Variants in PHF8 observed in about 807,000 individuals in gnomAD.
The protein encoded by PHF8 is histone lysine demethylase PHF8.
A neutral mutation model predicts 74.4 loss-of-function variants in PHF8; 9 were observed. That is an observed-to-expected ratio of 0.12 (90% CI 0.07 to 0.21). The LOEUF (loss-of-function observed/expected upper bound fraction) is 0.21, where lower values mean the gene tolerates loss of function less well. PHF8 is among the 10% of genes least tolerant of loss of function. The probability of loss-of-function intolerance (pLI) is 1.00; values close to 1 mark genes in which losing one functional copy is unlikely to be tolerated. For synonymous variants in PHF8, 311 were observed against 316.6 expected (o/e 0.98, Z 0.19); for missense variants, 478 against 816.6 (o/e 0.59, Z 5.05).
rs149908449 is a variant in PHF8, at chrX:53,984,638, T to C, written c.2443+276A>G. ...GGTAAAGGTTGGACATTAGTAAAAA[T>C]AGATGATAGCAAATTATAACTACCA... On this transcript the variant is annotated intron_variant, in intron 18 of 21. Coordinates refer to ENST00000338154, the MANE Select transcript of PHF8 (RefSeq NM_015107.3). 5.1e-3 allele frequency among the ~76,000 whole-genome samples: 576 copies of C among 111,886 alleles called. 2 individuals are homozygous for C. The highest frequency in any genetic ancestry group is 0.018 in the African/African-American group (541 of 30,833).
chrX:53,961,953 T>A (rs1557090993), intron 19 of PHF8, among the ~76,000 whole-genome samples: 1 of 112,310 alleles, frequency 8.9e-6, no homozygotes, highest in African/African-American at 3.2e-5. Context: ...ACGTAACTTG[T>A]TTTAGTCAAT....
At chrX:53,979,369 G>A (rs1435248585) in intron 18 of PHF8, among the ~76,000 whole-genome samples, 3 of 111,388 alleles carry the variant, frequency 2.7e-5, no homozygotes, top group African/African-American at 6.5e-5. Context: ...GTGACAGAGC[G>A]AGACTCTGTC....
At chrX:54,024,796 T>C (rs192523746) in intron 2 of PHF8, among the ~76,000 whole-genome samples, 4 of 112,562 alleles carry the variant, frequency 3.6e-5, no homozygotes, top group South Asian at 7.3e-4. Flanking sequence ...AGAATAATTT[T>C]ATATCCGTTC....
chrX:54,020,490 T>C (rs1297057529), intron 4 of PHF8, among the ~76,000 whole-genome samples: 1 of 111,804 alleles, frequency 8.9e-6, no homozygotes, highest in Non-Finnish European at 1.9e-5. Flanking sequence ...CTATTATGGA[T>C]TGATCTCAAA....
chrX:53,963,832 C>T (rs911901364), intron 18 of PHF8, among the ~76,000 whole-genome samples: 5 of 111,749 alleles, frequency 4.5e-5, no homozygotes, highest in African/African-American at 1.6e-4. Flanking sequence ...TGTGGCGATT[C>T]CTCAGGGATC....
At chrX:54,001,371 T>G (rs1187403402) in intron 10 of PHF8, among the ~76,000 whole-genome samples, 4 of 105,677 alleles carry the variant, frequency 3.8e-5, no homozygotes, top group African/African-American at 1.4e-4. Context: ...TAGCCGAGTG[T>G]GGTGGCGGGT....
intron 17 of PHF8, 150 bp downstream of exon 17, chrX:53,985,666 C>G: frequency 9.8e-7 from 1 of 1,019,409 alleles, no homozygotes; most frequent in Non-Finnish European, 1.4e-6. Context: ...TTCATGCCTA[C>G]TTTATTCTTT....
chrX:53,956,165 G>A (rs1231850407), intron 19 of PHF8, among the ~76,000 whole-genome samples: 4 of 111,369 alleles, frequency 3.6e-5, no homozygotes, highest in Non-Finnish European at 7.5e-5. Flanking sequence ...CAGCAGAATC[G>A]CTTGAACCTG....
chrX:53,943,991 G>T, intron 20 of PHF8, 143 bp downstream of exon 20: 1 of 490,531 alleles, frequency 2.0e-6, no homozygotes, highest in Non-Finnish European at 3.7e-6. Context: ...GAGGGGGCTG[G>T]GATACTGCCA....
In PHF8 at chrX:53,937,754, G is replaced by C. The variant is rs1174342793; in HGVS notation, c.*1404C>G. ...TGCATGGTAGCTATTAAATTCCCCA[G>C]AAGCATTGGGCAAGCTGGGGTGAGG... On this transcript the variant is annotated 3_prime_UTR_variant, in exon 22 of 22. Transcript: ENST00000338154. The C allele has an allele frequency of 2.7e-6, 1 of 376,629 alleles. No individual in the cohort carries two copies. Among genetic ancestry groups the C allele is most frequent in the African/African-American group, 2.5e-5 (1 of 39,245 alleles). The allele number at this position is 376,629 out of a possible 1,213,427, so 31.0% of individuals were successfully genotyped here. A position where few individuals can be genotyped will look rare whatever the true frequency, so the allele number is the denominator to read the frequency against.
At chrX:53,960,782 C>T (rs962964438) in intron 19 of PHF8, among the ~76,000 whole-genome samples, 2 of 109,008 alleles carry the variant, frequency 1.8e-5, no homozygotes, top group African/African-American at 6.7e-5. Flanking sequence ...AAATTGTACA[C>T]ACATGTGATT....
intron 18 of PHF8, among the ~76,000 whole-genome samples, chrX:53,974,997 C>T (rs1209202883): frequency 3.6e-5 from 4 of 111,522 alleles, no homozygotes; most frequent in African/African-American, 1.3e-4. Flanking sequence ...TGCAGTAAAC[C>T]ACCATGGCAC....
intron 8 of PHF8, among the ~76,000 whole-genome samples, chrX:54,008,648 G>A (rs1428852399): frequency 5.6e-5 from 6 of 107,652 alleles, no homozygotes; most frequent in Admixed American, 1.0e-4. Flanking sequence ...CCAAGATCGC[G>A]CCACTGCACT....
chrX:53,983,683 A>G (rs2065513768), intron 18 of PHF8, among the ~76,000 whole-genome samples: 1 of 112,360 alleles, frequency 8.9e-6, no homozygotes, highest in African/African-American at 3.2e-5. Flanking sequence ...AGGTTACTGT[A>G]AGAATTTTCA....
At chrX:53,952,283 C>CAA (rs782483897) in intron 19 of PHF8, among the ~76,000 whole-genome samples, 15 of 65,572 alleles carry the variant, frequency 2.3e-4, no homozygotes, top group Admixed American at 5.8e-4. Context: ...GACTCTGTCT[C>CAA]AAAAAAAAAA....
chrX:53,945,756 T>C (rs1557084994), intron 19 of PHF8, among the ~76,000 whole-genome samples: 1 of 111,100 alleles, frequency 9.0e-6, no homozygotes, highest in East Asian at 2.8e-4. Context: ...ATCTTCCTTT[T>C]TGTCTGCCTA....
At chrX:53,944,010 G>C in intron 20 of PHF8, 124 bp downstream of exon 20, 1 of 509,363 alleles carries the variant, frequency 2.0e-6, no homozygotes, top group South Asian at 2.6e-5. Flanking sequence ...CAAGGATAAA[G>C]ATCAAAGGTT....
chrX:54,002,134 A>G (rs2065837210), intron 10 of PHF8, 21 bp downstream of exon 10: 1 of 958,306 alleles, frequency 1.0e-6, no homozygotes, highest in East Asian at 3.1e-5. Flanking sequence ...CAAAAAGGAC[A>G]GTTGGCAAAG....
chrX:54,043,232 T>A (rs1014522063), intron 1 of PHF8: 2 of 495,992 alleles, frequency 4.0e-6, no homozygotes, highest in African/African-American at 5.3e-5. Flanking sequence ...GCTGGGGGTA[T>A]CTCAAGACAA....
Sources: allele counts gnomAD v4.1 joint callset (sites outside exome capture counted in the v4.1 genomes callset), GRCh38; gene constraint gnomAD v4.1.1; transcripts MANE v1.5; gene names NCBI Gene and HGNC (gene_info 2026-07-23, HGNC 2026-07-21).